Variants in FLNC observed in about 807,000 individuals in gnomAD.
The protein encoded by FLNC is filamin-C.
FLNC carries 91 observed loss-of-function variants against 254.3 expected under a neutral mutation model. That is an observed-to-expected ratio of 0.36 (90% confidence interval 0.30 to 0.43). The LOEUF is 0.43. FLNC is among the 20% of genes least tolerant of loss of function. The pLI is 1.00. For missense variants in FLNC, 2,853 were observed against 3,802.6 expected (o/e 0.75, Z 6.57); for synonymous variants, 1,430 against 1,577.2 (o/e 0.91, Z 2.21).
Position 128,852,966 on chromosome 7 carries a change from G to C in FLNC, c.6143G>C (p.Gly2048Ala), listed in dbSNP as rs1435926491. ...GACGCCAGCAAGGTGCGGGTCTGGGGCAAGGGGCTTTCCGAGGGACACACA... is the reference window on the plus strand; with the variant it reads ...GACGCCAGCAAGGTGCGGGTCTGGGCCAAGGGGCTTTCCGAGGGACACACA... ...IGDASKVRVW[G>A]KGLSEGHTFQ... Residue 2048 changes from glycine (G) to alanine (A), a missense_variant, in exon 37 of 48, where the codon GGC (glycine) becomes GCC (alanine). This residue lies in a region of FLNC where 551 missense variants were observed against 835.0 expected (regional missense o/e 0.66). Transcript: ENST00000325888. The C allele has an allele frequency of 6.2e-7, 1 of 1,613,536 alleles. No individual in the cohort carries two copies. The highest frequency in any genetic ancestry group is 1.1e-5 in the South Asian group (1 of 91,086).
At position 128,843,416 on chromosome 7, in the gene FLNC, G is replaced by T. The variant is rs770379589; in HGVS notation, c.2650G>T (p.Val884Phe). Reference sequence around the variant, plus strand: ...TCTGGGTGGGTCCTCAGGTGTGGAAGTCGGGAAGCCCACCCACTTCACGGT... The same window carrying T: ...TCTGGGTGGGTCCTCAGGTGTGGAATTCGGGAAGCCCACCCACTTCACGGT... ...GPGLNRTGVE[V>F]GKPTHFTVLT... Residue 884 changes from valine to phenylalanine, a missense_variant, in exon 18 of 48, where the codon GTC becomes TTC. Around this residue, in one of 10 missense-constraint regions of FLNC, gnomAD observed 1,573 missense variants for 1,883.5 expected, o/e 0.84. Transcript: ENST00000325888. The T allele has an allele frequency of 1.5e-5, 25 of 1,613,884 alleles. No individual in the cohort carries two copies. Among genetic ancestry groups the T allele is most frequent in the Non-Finnish European group, 1.8e-5 (21 of 1,180,006 alleles).
intron 39 of FLNC, 21 bp from the exon 40 acceptor site, chr7:128,853,953 C>G: frequency 1.9e-6 from 3 of 1,613,346 alleles, no homozygotes; most frequent in Non-Finnish European, 2.5e-6. Flanking sequence ...CTCCCTCACC[C>G]TGGCTCCCTT....
In FLNC at chr7:128,858,499, C is replaced by T. The variant is rs776771421; in HGVS notation, c.8154C>T (p.Ser2718=). ...GGGGTGACGAAAGTGTCCCTGGAAG[C>T]CCCTTCAAAGTCAAGGTCCCTTGAA... ...VKWGDESVPG[S]PFKVKVP is the part of the protein sequence containing the mutation. Residue 2718 remains serine (S), a synonymous_variant, in exon 48 of 48, where the codon AGC becomes AGT. Transcript: ENST00000325888. The surrounding 1 kb of genome is among the most constrained non-coding windows in gnomAD (Gnocchi z 6.7). The T allele has an allele frequency of 6.2e-7, 1 of 1,613,640 alleles. No homozygotes were observed. The highest frequency in any genetic ancestry group is 1.1e-5 in the South Asian group (1 of 91,044).
rs766330686 is a variant in FLNC at position 128,846,136 on chromosome 7, C to G, written c.3937C>G (p.Arg1313Gly). 2 of 1,613,960 alleles carry G rather than the reference C, an allele frequency of 1.2e-6. No homozygotes were observed. Among genetic ancestry groups the G allele is most frequent in the Non-Finnish European group, 1.7e-6 (2 of 1,179,996 alleles). Residue 1313 changes from arginine (R) to glycine (G), a missense_variant, in exon 22 of 48, where the codon CGA becomes GGA. Arg to Gly is a moderately radical substitution (Grantham distance 125). This residue lies in a region of FLNC where 1,573 missense variants were observed against 1,883.5 expected (regional missense o/e 0.84). Transcript: ENST00000325888. ...GACAGACAATGGGGACGGCACCTAC[C>G]GAGTGCAGTACACCGCCTACGAGGA... is the stretch of plus-strand genomic sequence containing the variant. ...YVTDNGDGTY[R>G]VQYTAYEEGV...
At position 128,851,307 on chromosome 7, in the gene FLNC, G is replaced by T; in HGVS notation, c.5615G>T (p.Gly1872Val). Residue 1872 changes from glycine to valine, a missense_variant, in exon 34 of 48, where the codon GGC (glycine) becomes GTC (valine). Physicochemically the swap from Gly to Val is moderately radical, Grantham distance 109 (BLOSUM62 -3). This residue lies in a region of FLNC where 551 missense variants were observed against 835.0 expected (regional missense o/e 0.66). Coordinates refer to ENST00000325888, the MANE Select transcript of FLNC (RefSeq NM_001458.5). ...VSAYGPGLSH[G>V]MVNKPATFTI... ...GCCTATGGGCCAGGCCTGAGCCATG[G>T]CATGGTCAACAAGCCAGCCACCTTC... The T allele has an allele frequency of 6.2e-7, 1 of 1,614,110 alleles. No homozygotes were observed. The highest frequency in any genetic ancestry group is 8.5e-7 in the Non-Finnish European group (1 of 1,180,030).
At chr7:128,831,748 G>A (rs946873436) in intron 1 of FLNC, among the ~76,000 whole-genome samples, 1 of 152,126 alleles carries the variant, frequency 6.6e-6, no homozygotes, top group Admixed American at 6.5e-5. Context: ...GGGAGGGAAA[G>A]GCCTGTGGAA....
rs1395183227 is a variant in FLNC, at chr7:128,830,515, G to C, written c.-123G>C. On this transcript the variant is annotated 5_prime_UTR_variant, in exon 1 of 48. Transcript: ENST00000325888. The stretch of plus-strand genomic sequence containing the variant: ...GAGCCCCGCCAGCCCCGGCGCGAGA[G>C]AAGTTGGAGAGGAGAGCAGCGCAGC... 3 of 816,832 alleles carry C rather than the reference G, an allele frequency of 3.7e-6. No individual in the cohort carries two copies. Among genetic ancestry groups the C allele is most frequent in the Non-Finnish European group, 5.8e-6 (3 of 517,434 alleles). 50.6% of individuals were successfully genotyped at this position (816,832 alleles called of 1,614,324 possible). A position where few individuals can be genotyped will look rare whatever the true frequency, so the allele number is the denominator to read the frequency against.
At position 128,850,848 on chromosome 7, in the gene FLNC, C is replaced by G. The variant is rs1361160043; in HGVS notation, c.5444C>G (p.Thr1815Ser). ...GGGAAGACGGCACGGCCCAACATCACCGACAACAAGGACGGCACCATCACG... is the reference window on the plus strand; with the variant it reads ...GGGAAGACGGCACGGCCCAACATCAGCGACAACAAGGACGGCACCATCACG... ...PSGKTARPNI[T>S]DNKDGTITVR... The change falls in exon 33 of 48, where the codon ACC (threonine) becomes AGC (serine). Residue 1815 changes from threonine to serine, a missense_variant. By Grantham distance (58) the Thr-to-Ser change is moderately conservative. Around this residue, in one of 10 missense-constraint regions of FLNC, gnomAD observed 258 missense variants for 312.3 expected, o/e 0.83. Coordinates refer to ENST00000325888, the MANE Select transcript of FLNC (RefSeq NM_001458.5). 6.2e-7 allele frequency: 1 copy of G among 1,613,652 alleles called. No homozygotes were observed. The highest frequency in any genetic ancestry group is 2.2e-5 in the East Asian group (1 of 44,896).
In FLNC at chr7:128,837,895, G is replaced by A. The variant is rs1562992228; in HGVS notation, c.970-92G>A. 5.8e-6 allele frequency: 8 copies of A among 1,373,762 alleles called. No homozygotes were observed. The East Asian group carries it at 1.8e-4, about 32-fold the overall frequency. The allele number at this position is 1,373,762 out of a possible 1,614,324, so 85.1% of individuals were successfully genotyped here. A position where few individuals can be genotyped will look rare whatever the true frequency, so the allele number is the denominator to read the frequency against. ...CAGTCTGGGGAAGGTGTCACCATGG[G>A]GGCTGAGTGGGGCTGGGGTGCATAA... On this transcript the variant is annotated intron_variant, in intron 5 of 47. Coordinates refer to ENST00000325888, the MANE Select transcript of FLNC (RefSeq NM_001458.5).
Position 128,830,582 on chromosome 7 carries a change from C to G in FLNC, c.-56C>G, listed in dbSNP as rs1807843370. On this transcript the variant is annotated 5_prime_UTR_variant, in exon 1 of 48. Coordinates refer to ENST00000325888, the MANE Select transcript of FLNC (RefSeq NM_001458.5). ...TCGCGCCCCAACAGCGCCCGACAGC[C>G]CCCGATAGCCCAAACCGCGGCCCTA... is the stretch of plus-strand genomic sequence containing the variant. 1.1e-5 allele frequency: 17 copies of G among 1,500,838 alleles called. No homozygotes were observed. The South Asian group carries it at 2.0e-4, about 17-fold the overall frequency. The allele number at this position is 1,500,838 out of a possible 1,614,324, so 93.0% of individuals were successfully genotyped here.
chr7:128,854,173 G>C lies in FLNC; in HGVS notation c.6684G>C (p.Arg2228=), dbSNP rs1477707563. 6.2e-7 allele frequency: 1 copy of C among 1,610,168 alleles called. No homozygotes were observed. The highest frequency in any genetic ancestry group is 8.5e-7 in the Non-Finnish European group (1 of 1,178,690). ...FPAVFGDFLG[R]ERLGSFGSIT... is the part of the protein sequence containing the mutation. ...CTGTGTTTGGGGACTTCCTGGGCCG[G>C]GAGCGCCTGGGATCCTTCGGCAGCA... Residue 2228 remains arginine (R), a synonymous_variant, in exon 40 of 48, where the codon CGG becomes CGC. Transcript: ENST00000325888.
chr7:128,856,920 C>T lies in FLNC; in HGVS notation c.7560C>T (p.Thr2520=), dbSNP rs527921534. The part of the protein sequence containing the change: ...AYGPGLEGGT[T]GVSSEFIVNT... ...GTCCTGGGCTCGAGGGAGGCACTAC[C>T]GGTGAGTGCCTGGAGCTGGGGAACA... Residue 2520 remains threonine, a splice_region_variant and synonymous_variant, in exon 45 of 48, where the codon ACC becomes ACT. Transcript: ENST00000325888. The surrounding 1 kb of genome is among the most constrained non-coding windows in gnomAD (Gnocchi z 5.9). 3.8e-5 allele frequency: 61 copies of T among 1,613,742 alleles called. No homozygotes were observed. The highest frequency in any genetic ancestry group is 2.7e-4 in the East Asian group (12 of 44,868).
intron 1 of FLNC, 60 bp downstream of exon 1, chr7:128,831,049 G>C (rs1282088136): frequency 6.5e-7 from 1 of 1,539,984 alleles, no homozygotes; most frequent in African/African-American, 1.4e-5. Flanking sequence ...ATGGGGCAGG[G>C]GCACAGGTGC....
chr7:128,831,308 A>C lies in FLNC; in HGVS notation c.352+319A>C, dbSNP rs747150402. Among the ~76,000 whole-genome samples the C allele has an allele frequency of 3.5e-4, 53 of 152,016 alleles. 1 individual carries two copies. The highest frequency in any genetic ancestry group is 3.1e-3 in the Admixed American group (48 of 15,278). ...TCGGCTCACCGTTCCCTTTCCTTCCATCGGGCAACCCTAGCCCACACTCGG... is the reference window on the plus strand; with the variant it reads ...TCGGCTCACCGTTCCCTTTCCTTCCCTCGGGCAACCCTAGCCCACACTCGG... On this transcript the variant is annotated intron_variant, in intron 1 of 47. Transcript: ENST00000325888.
chr7:128,844,274 G>A lies in FLNC; in HGVS notation c.3192+8G>A, dbSNP rs1433052838. ...CCCCCTGATCCCTCCAAGGTGAGGA[G>A]ATAGGAGCTGGTTGGGGCTGGGAGT... On this transcript the variant is annotated splice_region_variant and intron_variant, in intron 20 of 47. Coordinates refer to ENST00000325888, the MANE Select transcript of FLNC (RefSeq NM_001458.5). 1 of 1,599,224 alleles carries A rather than the reference G, an allele frequency of 6.3e-7. No homozygotes were observed. The highest frequency in any genetic ancestry group is 8.5e-7 in the Non-Finnish European group (1 of 1,171,092).
chr7:128,837,066 A>G (rs1808119064), intron 2 of FLNC, 94 bp from the exon 3 acceptor site: 1 of 890,472 alleles, frequency 1.1e-6, no homozygotes, highest in Non-Finnish European at 1.8e-6. Flanking sequence ...AGGGGTGTAA[A>G]GCCACAGCCT....
At position 128,852,679 on chromosome 7, in the gene FLNC, G is replaced by A; in HGVS notation, c.5931G>A (p.Leu1977=). 6.2e-7 allele frequency: 1 copy of A among 1,613,314 alleles called. No homozygotes were observed. Among genetic ancestry groups the A allele is most frequent in the African/African-American group, 1.3e-5 (1 of 75,062 alleles). The stretch of plus-strand genomic sequence containing the variant: ...TCACCGAGAGTGATCTGAGCCAGCT[G>A]ACCGCCAGCATCCGTGCCCCCTCGG... ...LKITESDLSQ[L]TASIRAPSGN... Residue 1977 remains leucine (L), a synonymous_variant, in exon 36 of 48, where the codon CTG becomes CTA. Transcript: ENST00000325888.
At chr7:128,834,418 C>G (rs368498937) in intron 1 of FLNC, among the ~76,000 whole-genome samples, 22 of 151,794 alleles carry the variant, frequency 1.4e-4, no homozygotes, top group African/African-American at 5.3e-4. Context: ...CTCTGGCCCC[C>G]AGCCTTTGAC....
chr7:128,850,315 T>C (rs1808753224), intron 31 of FLNC, 69 bp from the exon 32 acceptor site: 1 of 1,296,536 alleles, frequency 7.7e-7, no homozygotes, highest in African/African-American at 1.4e-5. Context: ...CTCTCCAGCT[T>C]CAGTCATAGC....
Sources: gnomAD v4.1 joint callset for allele counts (sites outside exome capture counted in the v4.1 genomes callset) on GRCh38, gnomAD v4.1.1 for gene constraint, gnomAD v4.1.1 regional missense constraint, Gnocchi (gnomAD v3.1) non-coding constraint, MANE v1.5 for transcripts, NCBI Gene and HGNC (gene_info 2026-07-23, HGNC 2026-07-21) for gene names.